WIPI2: variants seen among roughly 807,000 people sequenced by gnomAD.
WIPI2 encodes WD repeat domain, phosphoinositide interacting 2, also known as WD repeat domain phosphoinositide-interacting protein 2.
In WIPI2, 28 loss-of-function variants were observed where a neutral mutation model predicts 52.3. The ratio of observed to expected loss-of-function variants is 0.54; its 90% CI spans 0.40 to 0.73. WIPI2 has a LOEUF of 0.73. Among genes scored for constraint, WIPI2 ranks in the 30% least tolerant of loss-of-function variants. The pLI, the probability that WIPI2 is intolerant of heterozygous loss-of-function variation, is 0.00. For synonymous variants in WIPI2, 268 were observed against 245.0 expected (o/e 1.09, Z -0.88); for missense variants, 506 against 602.9 (o/e 0.84, Z 1.68).
chr7:5,199,252 G>C (rs906256282), intron 2 of WIPI2, among the ~76,000 whole-genome samples: 2 of 152,162 alleles, frequency 1.3e-5, no homozygotes, highest in African/African-American at 4.8e-5. Context: ...ATTTTGCCCA[G>C]GCTAATCTTG....
chr7:5,229,723 T>A lies in WIPI2; in HGVS notation c.1237T>A (p.Ser413Thr). ...AGGAAAAGGTACTTACGTGCCTTCATCCCCAACGAGACTTGGTAAGGGGCG... is the reference window on the plus strand; with the variant it reads ...AGGAAAAGGTACTTACGTGCCTTCAACCCCAACGAGACTTGGTAAGGGGCG... ...AAGKGTYVPS[S>T]PTRLAYTDDL... Residue 413 changes from serine (S) to threonine (T), a missense_variant, in exon 12 of 13, where the codon TCC becomes ACC. By Grantham distance (58) the Ser-to-Thr change is moderately conservative (BLOSUM62 1). This residue lies in a region of WIPI2 where 194 missense variants were observed against 175.1 expected (regional missense o/e 1.11). Coordinates refer to ENST00000288828, the MANE Select transcript of WIPI2 (RefSeq NM_015610.4). 6.2e-7 allele frequency: 1 copy of A among 1,613,892 alleles called. No homozygotes were observed. The highest frequency in any genetic ancestry group is 1.6e-4 in the Middle Eastern group (1 of 6,062).
intron 3 of WIPI2, among the ~76,000 whole-genome samples, chr7:5,205,730 A>C (rs1583555784): frequency 6.7e-6 from 1 of 150,204 alleles, no homozygotes; most frequent in Admixed American, 6.6e-5. Context: ...CTGGTGTTGA[A>C]CTCCTGACCT....
At chr7:5,197,811 A>G (rs1781822726) in intron 2 of WIPI2, among the ~76,000 whole-genome samples, 1 of 151,916 alleles carries the variant, frequency 6.6e-6, no homozygotes, top group Non-Finnish European at 1.5e-5. Context: ...TTACCTCCTC[A>G]TTTTCATGTT....
At chr7:5,192,425 A>G (rs1260607975) in intron 1 of WIPI2, among the ~76,000 whole-genome samples, 2 of 152,194 alleles carry the variant, frequency 1.3e-5, no homozygotes, top group Non-Finnish European at 2.9e-5. Flanking sequence ...ATGAAATCAA[A>G]TAGAGAAAAG....
intron 3 of WIPI2, among the ~76,000 whole-genome samples, chr7:5,211,499 T>C (rs900154295): frequency 2.0e-5 from 3 of 152,094 alleles, no homozygotes; most frequent in African/African-American, 7.2e-5. Context: ...ACTTCGCATG[T>C]GTCTACGGAC....
At chr7:5,192,941 T>G (rs1781549699) in intron 1 of WIPI2, among the ~76,000 whole-genome samples, 177 bp from the exon 2 acceptor site, 1 of 152,230 alleles carries the variant, frequency 6.6e-6, no homozygotes, top group South Asian at 2.1e-4. Context: ...CCCTTTTTTT[T>G]GTCTTTTAAA....
intron 8 of WIPI2, among the ~76,000 whole-genome samples, chr7:5,223,440 G>T (rs1047241178): frequency 1.3e-5 from 2 of 152,096 alleles, no homozygotes; most frequent in African/African-American, 4.8e-5. Flanking sequence ...ATCCCCACAG[G>T]TGCAGCAGGT....
intron 1 of WIPI2, 111 bp from the exon 2 acceptor site, chr7:5,193,007 T>G: frequency 1.0e-6 from 1 of 987,398 alleles, no homozygotes; most frequent in Middle Eastern, 2.1e-4. Flanking sequence ...TCTTTACTGG[T>G]AATATGATTT....
At chr7:5,195,918 A>C (rs1263207257) in intron 2 of WIPI2, among the ~76,000 whole-genome samples, 1 of 152,006 alleles carries the variant, frequency 6.6e-6, no homozygotes, top group East Asian at 1.9e-4. Context: ...GGTCACCTGT[A>C]ATTCCAGCTG....
intron 8 of WIPI2, among the ~76,000 whole-genome samples, chr7:5,225,329 C>T (rs371306319): frequency 7.0e-4 from 107 of 152,014 alleles, no homozygotes; most frequent in African/African-American, 2.5e-3. Flanking sequence ...TTAGTAGAGA[C>T]GGGGGGTTTC....
At position 5,233,754 on chromosome 7, in the gene WIPI2, C is replaced by G. The variant is rs571298950; in HGVS notation, c.*2807C>G. 2.0e-4 allele frequency: 31 copies of G among 152,352 alleles called. No individual in the cohort carries two copies. Among genetic ancestry groups the G allele is most frequent in the African/African-American group, 7.5e-4 (31 of 41,576 alleles). The allele number at this position is 152,352 out of a possible 1,614,324, so 9.4% of individuals were successfully genotyped here. On this transcript the variant is annotated 3_prime_UTR_variant, in exon 13 of 13. Coordinates refer to ENST00000288828, the MANE Select transcript of WIPI2 (RefSeq NM_015610.4). ...GCTGTTGTGAGGTGTTGTGTGACTG[C>G]GTGTCCTGCAAACGCCCAGCTCGGT...
intron 2 of WIPI2, among the ~76,000 whole-genome samples, chr7:5,198,171 G>A (rs560359253): frequency 1.3e-5 from 2 of 152,246 alleles, no homozygotes; most frequent in African/African-American, 2.4e-5. Context: ...TTTGGAGTCC[G>A]TTTCGTTTCC....
Position 5,190,510 on chromosome 7 carries a change from G to T in WIPI2, c.74+17G>T. ...GGACAACACGTAAGGCCGGGGTCGGGGGTCGGAGTCGGGGTGAGGCCAGGG... is the reference window on the plus strand; with the variant it reads ...GGACAACACGTAAGGCCGGGGTCGGTGGTCGGAGTCGGGGTGAGGCCAGGG... On this transcript the variant is annotated intron_variant, in intron 1 of 12. Coordinates refer to ENST00000288828, the MANE Select transcript of WIPI2 (RefSeq NM_015610.4). 2.0e-6 allele frequency: 3 copies of T among 1,493,084 alleles called. No individual in the cohort carries two copies. Among genetic ancestry groups the T allele is most frequent in the Middle Eastern group, 1.7e-4 (1 of 5,724 alleles). The allele number at this position is 1,493,084 out of a possible 1,614,324, so 92.5% of individuals were successfully genotyped here.
chr7:5,221,049 C>T (rs1234469062), intron 7 of WIPI2, among the ~76,000 whole-genome samples: 12 of 150,724 alleles, frequency 8.0e-5, no homozygotes, highest in African/African-American at 2.2e-4. Context: ...CTGCAACCTC[C>T]GCCTCCTGGG....
intron 7 of WIPI2, among the ~76,000 whole-genome samples, chr7:5,221,870 G>T (rs930685183): frequency 6.6e-6 from 1 of 152,086 alleles, no homozygotes; most frequent in Non-Finnish European, 1.5e-5. Flanking sequence ...ATTTAAAGTG[G>T]CAGGAAAGAC....
chr7:5,224,737 G>T (rs962050004), intron 8 of WIPI2, among the ~76,000 whole-genome samples: 1 of 152,228 alleles, frequency 6.6e-6, no homozygotes, highest in Non-Finnish European at 1.5e-5. Flanking sequence ...GATCCATCAA[G>T]TGCAGGGTCT....
chr7:5,202,138 C>G (rs891081840), intron 3 of WIPI2, among the ~76,000 whole-genome samples: 1 of 152,136 alleles, frequency 6.6e-6, no homozygotes, highest in African/African-American at 2.4e-5. Flanking sequence ...ATCATAAAAT[C>G]AGATCTTTGC....
At position 5,227,785 on chromosome 7, in the gene WIPI2, G is replaced by C. The variant is rs187960248; in HGVS notation, c.1014-319G>C. Among the ~76,000 whole-genome samples the C allele has an allele frequency of 8.5e-5, 13 of 152,192 alleles. No individual in the cohort carries two copies. The highest frequency in any genetic ancestry group is 5.9e-4 in the Admixed American group (9 of 15,282). On this transcript the variant is annotated intron_variant, in intron 10 of 12. Transcript: ENST00000288828. This position sits in a 1 kb window ranked among gnomAD's most constrained non-coding sequence, Gnocchi z 8.1. The stretch of plus-strand genomic sequence containing the variant: ...ATGGCAGGGCTTTGGGCTTCCGTGC[G>C]TCTTTAAACATCATTTTCCAGTTTT...
chr7:5,197,673 G>T (rs113516789), intron 2 of WIPI2, among the ~76,000 whole-genome samples: 4 of 152,094 alleles, frequency 2.6e-5, no homozygotes, highest in Admixed American at 6.5e-5. Flanking sequence ...TTCCACATAC[G>T]TGTGAAAGAG....
Sources: allele counts gnomAD v4.1 joint callset (sites outside exome capture counted in the v4.1 genomes callset), GRCh38; gene constraint gnomAD v4.1.1; regional missense constraint gnomAD v4.1.1; non-coding constraint Gnocchi (gnomAD v3.1); transcripts MANE v1.5; gene names NCBI Gene and HGNC (gene_info 2026-07-23, HGNC 2026-07-21).